The following DLGAP1 variants were observed in gnomAD, a reference collection of about 807,000 sequenced individuals.
The protein encoded by DLGAP1 is disks large-associated protein 1.
DLGAP1 carries 11 observed loss-of-function variants against 90.8 expected under a neutral mutation model. That is an observed-to-expected ratio of 0.12 (90% confidence interval 0.08 to 0.20). DLGAP1 has a LOEUF of 0.20. Among genes scored for constraint, DLGAP1 ranks in the 10% least tolerant of loss-of-function variants. The probability of loss-of-function intolerance (pLI) is 1.00; values close to 1 mark genes in which losing one functional copy is unlikely to be tolerated. For synonymous variants in DLGAP1, 558 were observed against 540.7 expected, an observed-to-expected ratio of 1.03 and a Z score of -0.44; for missense variants, 1,050 against 1,333.8, an observed-to-expected ratio of 0.79 and a Z score of 3.31.
At chr18:4,178,350 A>G (rs1318637500) in intron 1 of DLGAP1, among the ~76,000 whole-genome samples, 1 of 151,932 alleles carries the variant, frequency 6.6e-6, no homozygotes, top group Non-Finnish European at 1.5e-5. Flanking sequence ...TGGAACTATA[A>G]GCACACACCA....
At chr18:3,646,987 G>A (rs376917618) in intron 7 of DLGAP1, among the ~76,000 whole-genome samples, 1 of 151,820 alleles carries the variant, frequency 6.6e-6, no homozygotes, top group East Asian at 1.9e-4. Context: ...GGTGGCTCAC[G>A]CCTGTAATCT....
intron 1 of DLGAP1, among the ~76,000 whole-genome samples, chr18:4,195,615 G>A (rs139637592): frequency 0.014 from 2,102 of 152,078 alleles, 39 homozygotes; most frequent in African/African-American, 0.047. Flanking sequence ...GCAATGGCAC[G>A]ATCTCAGCTC....
At position 4,106,756 on chromosome 18, in the gene DLGAP1, A is replaced by G. The variant is rs375553807; in HGVS notation, c.-159+44424T>C. 2.6e-5 allele frequency among the ~76,000 whole-genome samples: 4 copies of G among 152,106 alleles called. No individual in the cohort carries two copies. The East Asian group carries it at 5.9e-4, about 22-fold the overall frequency. ...ATAGCATTTTTGAAGGAGGACTTTC[A>G]CCAAAGCTTTTAATATCAGAATAAT... is the stretch of plus-strand genomic sequence containing the variant. On this transcript the variant is annotated intron_variant, in intron 2 of 12. Coordinates refer to ENST00000315677, the MANE Select transcript of DLGAP1 (RefSeq NM_004746.4).
chr18:4,433,719 C>A (rs2083339507), intron 1 of DLGAP1, among the ~76,000 whole-genome samples: 1 of 152,142 alleles, frequency 6.6e-6, no homozygotes, highest in Admixed American at 6.5e-5. Flanking sequence ...AACCTTAATG[C>A]ATTTTATCTG....
At chr18:3,594,377 C>G (rs2056459130) in intron 7 of DLGAP1, 1 of 119,300 alleles carries the variant, frequency 8.4e-6, no homozygotes, top group Non-Finnish European at 1.7e-5. Context: ...AACCAAAAGT[C>G]TGTAAAAAAC....
At chr18:3,919,813 G>C (rs1057164431) in intron 3 of DLGAP1, among the ~76,000 whole-genome samples, 1 of 152,214 alleles carries the variant, frequency 6.6e-6, no homozygotes, top group East Asian at 1.9e-4. Context: ...ACAGCAGCTA[G>C]TAAGTGACAA....
intron 2 of DLGAP1, among the ~76,000 whole-genome samples, chr18:4,042,426 A>T (rs2074988386): frequency 6.6e-6 from 1 of 152,224 alleles, no homozygotes; most frequent in South Asian, 2.1e-4. Context: ...ATTCACAGGC[A>T]GTTATTTTTC....
chr18:4,160,101 C>T lies in DLGAP1; in HGVS notation c.-266-8814G>A, dbSNP rs116738430. Among the ~76,000 whole-genome samples the T allele has an allele frequency of 3.2e-3, 495 of 152,320 alleles. 4 individuals carry two copies. The highest frequency in any genetic ancestry group is 0.011 in the African/African-American group (475 of 41,558). On this transcript the variant is annotated intron_variant, in intron 1 of 12. Coordinates refer to ENST00000315677, the MANE Select transcript of DLGAP1 (RefSeq NM_004746.4). ...ATTTATTTACAACTAAGATATTGCA[C>T]TATTTGGTAATATCTTATAATCTGT...
intron 4 of DLGAP1, among the ~76,000 whole-genome samples, chr18:3,873,206 A>AC (rs2070860543): frequency 6.6e-6 from 1 of 152,132 alleles, no homozygotes; most frequent in Admixed American, 6.5e-5. Flanking sequence ...AGAATAAAAG[A>AC]GAATCAGAGA....
intron 1 of DLGAP1, among the ~76,000 whole-genome samples, chr18:4,425,060 G>A (rs1378640778): frequency 1.9e-5 from 2 of 105,188 alleles, no homozygotes; most frequent in Non-Finnish European, 3.5e-5. Flanking sequence ...ATTCCTTGGT[G>A]GGGCGGGGGG....
At chr18:3,523,691 C>T (rs954137186) in intron 10 of DLGAP1, among the ~76,000 whole-genome samples, 4 of 151,952 alleles carry the variant, frequency 2.6e-5, no homozygotes, top group South Asian at 2.1e-4. Context: ...ACTAAAAATA[C>T]AAAAAATTAG....
chr18:4,014,093 T>TC (rs2074478692), intron 2 of DLGAP1: 1 of 150,384 alleles, frequency 6.6e-6, no homozygotes, highest in Non-Finnish European at 1.5e-5. Flanking sequence ...ACTTTTTTTT[T>TC]TTTTTTTTTG....
At chr18:3,730,594 G>A (rs2062387865) in intron 6 of DLGAP1, among the ~76,000 whole-genome samples, 1 of 151,788 alleles carries the variant, frequency 6.6e-6, no homozygotes, top group Admixed American at 6.6e-5. Flanking sequence ...ATGAGGCACC[G>A]AGAATTTAAC....
intron 1 of DLGAP1, among the ~76,000 whole-genome samples, chr18:4,420,944 T>C (rs750389296): frequency 1.3e-5 from 2 of 152,236 alleles, no homozygotes; most frequent in African/African-American, 4.8e-5. Context: ...TTATACATGA[T>C]GATACATATA....
chr18:4,128,334 G>T (rs2076261892), intron 2 of DLGAP1, among the ~76,000 whole-genome samples: 1 of 152,072 alleles, frequency 6.6e-6, no homozygotes, highest in Non-Finnish European at 1.5e-5. Flanking sequence ...GATGTGAGTA[G>T]GCTATATGCA....
At chr18:3,730,893 G>A (rs1423030790) in intron 6 of DLGAP1, among the ~76,000 whole-genome samples, 1 of 152,120 alleles carries the variant, frequency 6.6e-6, no homozygotes, top group African/African-American at 2.4e-5. Context: ...ATATTAGAAA[G>A]TTATATCTCT....
chr18:3,786,422 A>G (rs72861957), intron 5 of DLGAP1, among the ~76,000 whole-genome samples: 6 of 152,364 alleles, frequency 3.9e-5, no homozygotes, highest in Non-Finnish European at 5.9e-5. Context: ...AAAATACTTA[A>G]TGAGAATAAA....
chr18:3,999,748 T>C (rs2043978923), intron 3 of DLGAP1, among the ~76,000 whole-genome samples: 1 of 152,174 alleles, frequency 6.6e-6, no homozygotes, highest in African/African-American at 2.4e-5. Context: ...CTACAGAGTC[T>C]GAGAAGCACT....
At chr18:4,196,841 G>A (rs2077507045) in intron 1 of DLGAP1, among the ~76,000 whole-genome samples, 1 of 151,996 alleles carries the variant, frequency 6.6e-6, no homozygotes, top group Non-Finnish European at 1.5e-5. Flanking sequence ...ACAAAGAGAA[G>A]CACAATTAAA....
Sources: gnomAD v4.1 joint callset for allele counts (sites outside exome capture counted in the v4.1 genomes callset) on GRCh38, gnomAD v4.1.1 for gene constraint, MANE v1.5 for transcripts, NCBI Gene and HGNC (gene_info 2026-07-23, HGNC 2026-07-21) for gene names.